NPHP4: variants seen among roughly 807,000 people sequenced by gnomAD.
NPHP4 encodes nephrocystin 4, also known as nephrocystin-4.
NPHP4 carries 151 observed loss-of-function variants against 155.8 expected under a neutral mutation model. The ratio of observed to expected loss-of-function variants is 0.97; its 90% CI spans 0.85 to 1.11. The LOEUF (loss-of-function observed/expected upper bound fraction) is 1.11. Among genes scored for constraint, NPHP4 ranks in the 50% least tolerant of loss-of-function variants. The pLI is 0.00. For synonymous variants in NPHP4, 845 were observed against 816.8 expected, an observed-to-expected ratio of 1.03 and a Z score of -0.59; for missense variants, 1,956 against 1,925.7, an observed-to-expected ratio of 1.02 and a Z score of -0.29.
At chr1:5,907,264 C>T in intron 12 of NPHP4, 42 bp from the exon 13 acceptor site, 3 of 1,309,672 alleles carry the variant, frequency 2.3e-6, no homozygotes, top group Non-Finnish European at 2.1e-6. Flanking sequence ...CAGAAGCTTG[C>T]CAGTCCGTCC....
chr1:5,959,358 G>T (rs1487580186), intron 6 of NPHP4, among the ~76,000 whole-genome samples: 1 of 152,200 alleles, frequency 6.6e-6, no homozygotes, highest in Admixed American at 6.5e-5. Flanking sequence ...TAAGAATGAG[G>T]AGCAGGAATC....
Position 5,934,994 on chromosome 1 carries a change from C to T in NPHP4, c.1120-1665G>A, listed in dbSNP as rs575152901. 4.2e-3 allele frequency among the ~76,000 whole-genome samples: 639 copies of T among 152,286 alleles called. 5 individuals carry two copies. The highest frequency in any genetic ancestry group is 0.014 in the African/African-American group (592 of 41,566). ...TGCACTCAGGTCCCACACAGATCCC[C>T]GCATGCATGCGTGCTCTCAAGGCCT... On this transcript the variant is annotated intron_variant, in intron 9 of 29. Coordinates refer to ENST00000378156, the MANE Select transcript of NPHP4 (RefSeq NM_015102.5).
chr1:5,927,887 C>A (rs1646092223), intron 10 of NPHP4, 100 bp from the exon 11 acceptor site: 1 of 1,293,406 alleles, frequency 7.7e-7, no homozygotes, highest in South Asian at 1.6e-5. Context: ...AAAACAAAGT[C>A]TACGTGAAAT....
At chr1:5,874,064 T>C (rs187309156) in intron 22 of NPHP4, among the ~76,000 whole-genome samples, 16 of 152,240 alleles carry the variant, frequency 1.1e-4, no homozygotes, top group African/African-American at 3.9e-4. Context: ...ACATGCTCCC[T>C]GCACGCATGC....
Position 5,865,178 on chromosome 1 carries a change from C to G in NPHP4, c.3740G>C (p.Arg1247Pro), listed in dbSNP as rs200623969. 1.2e-6 allele frequency: 2 copies of G among 1,612,852 alleles called. No individual in the cohort carries two copies. Among genetic ancestry groups the G allele is most frequent in the Non-Finnish European group, 8.5e-7 (1 of 1,179,544 alleles). Reference sequence around the variant, plus strand: ...TGTCCCCCGAAGGACAAGGGACAGGCGGGTCAGCTGGCCTGCGACGCAGGA... The same window carrying G: ...TGTCCCCCGAAGGACAAGGGACAGGGGGGTCAGCTGGCCTGCGACGCAGGA... Reference protein sequence around the residue: ...DVSCVAGQLTRLSLVLRGTQT... With the variant: ...DVSCVAGQLTPLSLVLRGTQT... The change falls in exon 27 of 30, where the codon CGC (arginine) becomes CCC (proline). Residue 1247 changes from arginine to proline, a missense_variant. Transcript: ENST00000378156.
chr1:5,969,285 T>C, intron 3 of NPHP4, 26 bp from the exon 4 acceptor site: 1 of 1,494,838 alleles, frequency 6.7e-7, no homozygotes, highest in Non-Finnish European at 9.0e-7. Context: ...CAGAGGATGG[T>C]CTGAGTGTTC....
intron 11 of NPHP4, among the ~76,000 whole-genome samples, chr1:5,926,997 T>A (rs1226505002): frequency 6.6e-6 from 1 of 152,202 alleles, no homozygotes; most frequent in Non-Finnish European, 1.5e-5. Flanking sequence ...CCCTCGTACC[T>A]TCCGCCCCTC....
intron 3 of NPHP4, among the ~76,000 whole-genome samples, chr1:5,974,970 C>A (rs565216733): frequency 6.6e-6 from 1 of 152,220 alleles, no homozygotes; most frequent in East Asian, 1.9e-4. Context: ...CAGAAAAACA[C>A]AGGCAATTAG....
chr1:5,868,748 CAT>C (rs1376036321), intron 23 of NPHP4, among the ~76,000 whole-genome samples: 35 of 100,940 alleles, frequency 3.5e-4, no homozygotes, highest in Admixed American at 9.5e-4. Flanking sequence ...TGCACCCACA[CAT>C]GTACACATAT....
rs752276099 is a variant in NPHP4, at chr1:5,967,348, A to G, written c.468T>C (p.His156=). The part of the protein sequence containing the change: ...ASQDKRLRLY[H]GTPRALLHPL... ...GGTGCAGGAGGGCTCTGGGGGTGCC[A>G]TGGTACAGCCGCAACCTGGAAGACA... The change falls in exon 5 of 30, where the codon CAT becomes CAC. Residue 156 remains histidine (H), a synonymous_variant. Transcript: ENST00000378156. 5 of 1,607,184 alleles carry G rather than the reference A, an allele frequency of 3.1e-6. No homozygotes were observed. Among genetic ancestry groups the G allele is most frequent in the Non-Finnish European group, 4.2e-6 (5 of 1,177,332 alleles).
At chr1:5,980,055 G>T (rs1271533835) in intron 2 of NPHP4, among the ~76,000 whole-genome samples, 1 of 151,980 alleles carries the variant, frequency 6.6e-6, no homozygotes, top group Non-Finnish European at 1.5e-5. Flanking sequence ...AGACACCTCG[G>T]GCCATCCCTG....
At chr1:5,978,821 A>C (rs1570737962) in intron 2 of NPHP4, among the ~76,000 whole-genome samples, 1 of 152,150 alleles carries the variant, frequency 6.6e-6, no homozygotes, top group Non-Finnish European at 1.5e-5. Context: ...CTGGCTGTGG[A>C]TTTGCTGTGA....
intron 28 of NPHP4, 100 bp downstream of exon 28, chr1:5,864,238 T>C (rs1048556504): frequency 1.6e-6 from 2 of 1,255,326 alleles, no homozygotes; most frequent in Middle Eastern, 2.6e-4. Flanking sequence ...GTCAGAACAC[T>C]GTATCCAGTG....
Position 5,867,682 on chromosome 1 carries a change from T to C in NPHP4, c.3472+58A>G. 1 of 1,575,240 alleles carries C rather than the reference T, an allele frequency of 6.3e-7. No homozygotes were observed. Among genetic ancestry groups the C allele is most frequent in the South Asian group, 1.1e-5 (1 of 89,624 alleles). On this transcript the variant is annotated intron_variant, in intron 24 of 29. Coordinates refer to ENST00000378156, the MANE Select transcript of NPHP4 (RefSeq NM_015102.5). The surrounding 1 kb of genome is among the most constrained non-coding windows in gnomAD (Gnocchi z 4.1). ...GGCCATCTGTCACCCTCAAGAGGTA[T>C]CTACTTCCAACAGGTGAGCCTGCAA...
In NPHP4 at chr1:5,986,266, G is replaced by T. The variant is rs2102456758; in HGVS notation, c.24C>A (p.Phe8Leu). The T allele has an allele frequency of 1.2e-6, 2 of 1,613,914 alleles. No homozygotes were observed. Among genetic ancestry groups the T allele is most frequent in the East Asian group, 2.2e-5 (1 of 44,884 alleles). Residue 8 changes from phenylalanine (F) to leucine (L), a missense_variant, in exon 2 of 30, where the codon TTC becomes TTA. Physicochemically the swap from Phe to Leu is conservative, Grantham distance 22. Transcript: ENST00000378156. ...GGGGAGGGACAAGCACGTTTTGGGT[G>T]AAGATCCTGTGCCAGTCGTTCATCC... MNDWHRI[F>L]TQNVLVPPHP...
At chr1:5,988,787 G>A (rs923336971) in intron 1 of NPHP4, among the ~76,000 whole-genome samples, 1 of 150,950 alleles carries the variant, frequency 6.6e-6, no homozygotes, top group Non-Finnish European at 1.5e-5. Flanking sequence ...GCACCCAGAC[G>A]CTGCATCCTT....
chr1:5,951,560 C>T (rs1648059539), intron 7 of NPHP4, among the ~76,000 whole-genome samples: 1 of 152,214 alleles, frequency 6.6e-6, no homozygotes, highest in Admixed American at 6.5e-5. Context: ...GGCAAGGGGG[C>T]TGAGCCCAGG....
At position 5,910,042 on chromosome 1, in the gene NPHP4, C is replaced by T. The variant is rs1047140799; in HGVS notation, c.1442-829G>A. 4.6e-5 allele frequency among the ~76,000 whole-genome samples: 7 copies of T among 152,230 alleles called. No individual in the cohort carries two copies. The highest frequency in any genetic ancestry group is 1.7e-4 in the African/African-American group (7 of 41,466). On this transcript the variant is annotated intron_variant, in intron 11 of 29. Coordinates refer to ENST00000378156, the MANE Select transcript of NPHP4 (RefSeq NM_015102.5). The surrounding 1 kb of genome is among the most constrained non-coding windows in gnomAD (Gnocchi z 5.4). ...CCCAGCATCGCTGGAGTCTCTGAAACCCACCAGGCTCCTGCCACAGCGGTG... is the reference window on the plus strand; with the variant it reads ...CCCAGCATCGCTGGAGTCTCTGAAATCCACCAGGCTCCTGCCACAGCGGTG...
chr1:5,887,210 T>C, intron 18 of NPHP4, 76 bp downstream of exon 18: 1 of 1,387,890 alleles, frequency 7.2e-7, no homozygotes, highest in Non-Finnish European at 9.8e-7. Flanking sequence ...ATGTGGCCCC[T>C]GCCCGAGGGA....
Sources: gnomAD v4.1 joint callset for allele counts (sites outside exome capture counted in the v4.1 genomes callset) on GRCh38, gnomAD v4.1.1 for gene constraint, Gnocchi (gnomAD v3.1) non-coding constraint, MANE v1.5 for transcripts, NCBI Gene and HGNC (gene_info 2026-07-23, HGNC 2026-07-21) for gene names.